Variants in ITSN1 observed in about 807,000 individuals in gnomAD.
The protein encoded by ITSN1 is intersectin 1.
ITSN1 carries 58 observed loss-of-function variants against 239.8 expected under a neutral mutation model. The observed-to-expected ratio is 0.24, with a 90% CI of 0.20 to 0.30. The LOEUF is 0.30. Among genes scored for constraint, ITSN1 ranks in the 10% least tolerant of loss-of-function variants. ITSN1 has a pLI of 1.00. For synonymous variants in ITSN1, 780 were observed against 770.8 expected (o/e 1.01, Z -0.20); for missense variants, 1,558 against 2,103.3 (o/e 0.74, Z 5.07).
At chr21:33,737,949 G>A (rs544206504) in intron 5 of ITSN1, among the ~76,000 whole-genome samples, 2 of 152,238 alleles carry the variant, frequency 1.3e-5, no homozygotes, top group African/African-American at 2.4e-5. Flanking sequence ...TTGGGAGGCC[G>A]AGGTGGGCAG....
chr21:33,749,280 G>C (rs983695000), intron 5 of ITSN1, among the ~76,000 whole-genome samples: 3 of 152,248 alleles, frequency 2.0e-5, no homozygotes, highest in African/African-American at 7.2e-5. Context: ...ATAAGCCACT[G>C]TGCCCAGCTG....
intron 1 of ITSN1, among the ~76,000 whole-genome samples, chr21:33,706,743 T>G (rs1243865022): frequency 2.0e-5 from 3 of 152,132 alleles, no homozygotes; most frequent in Non-Finnish European, 4.4e-5. Context: ...TCAGGTTTTA[T>G]TTGTTTATTT....
chr21:33,705,853 A>G (rs2092231354), intron 1 of ITSN1, among the ~76,000 whole-genome samples: 1 of 152,144 alleles, frequency 6.6e-6, no homozygotes, highest in African/African-American at 2.4e-5. Flanking sequence ...TATCATTCTA[A>G]ATTGATGTTT....
chr21:33,774,160 A>G lies in ITSN1; in HGVS notation c.1306-569A>G, dbSNP rs116375299. Among the ~76,000 whole-genome samples the G allele has an allele frequency of 4.9e-3, 748 of 152,334 alleles. 4 individuals carry two copies. Among genetic ancestry groups the G allele is most frequent in the African/African-American group, 0.017 (705 of 41,572 alleles). ...TTGGATGACCCATGAGTCAGAGGCA[A>G]TTCCCATAGACTGTCAGATGCTCTG... On this transcript the variant is annotated intron_variant, in intron 12 of 39. Transcript: ENST00000381318.
chr21:33,810,713 T>C (rs766037716), intron 20 of ITSN1, among the ~76,000 whole-genome samples: 1 of 152,208 alleles, frequency 6.6e-6, no homozygotes, highest in African/African-American at 2.4e-5. Context: ...CCAGGCACTT[T>C]GTCTCAACTG....
chr21:33,661,816 G>A lies in ITSN1; in HGVS notation c.-33+19103G>A, dbSNP rs533554367. ...TGGCTCTCATTTCTCTCTTGTGACC[G>A]CCATGTGAGACATACCTTTTGCCTT... On this transcript the variant is annotated intron_variant, in intron 1 of 39. Transcript: ENST00000381318. Among the ~76,000 whole-genome samples the A allele has an allele frequency of 7.2e-5, 11 of 152,024 alleles. No homozygotes were observed. The South Asian group carries it at 1.7e-3, about 23-fold the overall frequency.
rs542782139 is a variant in ITSN1, at chr21:33,856,774, A to G, written c.3700A>G (p.Thr1234Ala). 3.2e-4 allele frequency: 513 copies of G among 1,614,160 alleles called. 6 individuals carry two copies. The South Asian group carries it at 5.3e-3, about 17-fold the overall frequency. ...DLHLLDMLTP[T>A]ERKRQGYIHE... ...ACATCTCTTGGATATGTTGACCCCA[A>G]CTGAAAGAAAGCGACAAGGATACAT... The change falls in exon 30 of 40, where the codon ACT (threonine) becomes GCT (alanine). Residue 1234 changes from threonine (T) to alanine (A), a missense_variant. This residue lies in a region of ITSN1 where 576 missense variants were observed against 893.3 expected (regional missense o/e 0.64). Coordinates refer to ENST00000381318, the MANE Select transcript of ITSN1 (RefSeq NM_003024.3).
intron 16 of ITSN1, among the ~76,000 whole-genome samples, chr21:33,792,051 G>A (rs2071176726): frequency 1.3e-5 from 2 of 152,044 alleles, no homozygotes; most frequent in East Asian, 3.9e-4. Flanking sequence ...TACTTTATTT[G>A]TTTGTTAGAC....
At chr21:33,719,866 T>G (rs150632101) in intron 2 of ITSN1, among the ~76,000 whole-genome samples, 1 of 152,344 alleles carries the variant, frequency 6.6e-6, no homozygotes, top group African/African-American at 2.4e-5. Context: ...TACACCCAAG[T>G]TACTTTTTAA....
chr21:33,862,005 A>AT (rs1980667013), intron 31 of ITSN1, among the ~76,000 whole-genome samples: 1 of 147,326 alleles, frequency 6.8e-6, no homozygotes, highest in Non-Finnish European at 1.5e-5. Flanking sequence ...AAAAAAAAAA[A>AT]AAAAAAAAAG....
intron 29 of ITSN1, among the ~76,000 whole-genome samples, chr21:33,845,055 G>A (rs1055170365): frequency 1.1e-4 from 16 of 151,918 alleles, no homozygotes; most frequent in African/African-American, 3.9e-4. Flanking sequence ...ACATGGAACC[G>A]GCCTGGTCAT....
At chr21:33,780,052 A>G (rs2147873807) in intron 14 of ITSN1, among the ~76,000 whole-genome samples, 1 of 152,146 alleles carries the variant, frequency 6.6e-6, no homozygotes, top group East Asian at 1.9e-4. Context: ...GCCTGGTCTC[A>G]AACTCCTGAC....
Position 33,818,436 on chromosome 21 carries a change from T to C in ITSN1, c.2897T>C (p.Val966Ala). The C allele has an allele frequency of 6.2e-7, 1 of 1,614,222 alleles. No homozygotes were observed. Among genetic ancestry groups the C allele is most frequent in the Non-Finnish European group, 8.5e-7 (1 of 1,180,016 alleles). The stretch of plus-strand genomic sequence containing the variant: ...AAGGGTTGGTTCCCCAAGTCTTACG[T>C]GAAACTCATTTCAGGGCCCATAAGG... ...GQKGWFPKSY[V>A]KLISGPIRKS... The change falls in exon 23 of 40, where the codon GTG becomes GCG. Residue 966 changes from valine (V) to alanine (A), a missense_variant. This residue lies in a region of ITSN1 where 982 missense variants were observed against 1,209.9 expected (regional missense o/e 0.81). Coordinates refer to ENST00000381318, the MANE Select transcript of ITSN1 (RefSeq NM_003024.3).
intron 1 of ITSN1, among the ~76,000 whole-genome samples, chr21:33,707,180 C>T (rs530049498): frequency 1.8e-4 from 27 of 152,240 alleles, no homozygotes; most frequent in African/African-American, 6.0e-4. Flanking sequence ...AATGCTGTAC[C>T]CTTGACTCAT....
intron 10 of ITSN1, 49 bp from the exon 11 acceptor site, chr21:33,767,664 C>A: frequency 9.3e-7 from 1 of 1,076,268 alleles, no homozygotes; most frequent in Non-Finnish European, 1.4e-6. Flanking sequence ...TCCAACTCCA[C>A]CCAGACAGCT....
At chr21:33,818,566 G>C (rs989748475) in intron 23 of ITSN1, 94 bp downstream of exon 23, 3 of 1,128,954 alleles carry the variant, frequency 2.7e-6, no homozygotes, top group African/African-American at 3.1e-5. Context: ...CAGGAGTTGC[G>C]GGATTAGTTT....
chr21:33,839,826 A>G (rs1191351431), intron 29 of ITSN1, among the ~76,000 whole-genome samples: 1 of 152,148 alleles, frequency 6.6e-6, no homozygotes, highest in East Asian at 1.9e-4. Flanking sequence ...GGTTGTATCC[A>G]TTGGACCCCA....
chr21:33,746,563 G>A (rs532050721), intron 5 of ITSN1, among the ~76,000 whole-genome samples: 47 of 152,264 alleles, frequency 3.1e-4, no homozygotes, highest in Non-Finnish European at 6.2e-4. Flanking sequence ...ATAACTGGCC[G>A]GCCACAGTGG....
chr21:33,701,868 G>T (rs754391038), intron 1 of ITSN1, among the ~76,000 whole-genome samples: 1 of 151,520 alleles, frequency 6.6e-6, no homozygotes, highest in South Asian at 2.1e-4. Flanking sequence ...AGGAGTTCCA[G>T]ACCAGCCTGG....
Sources: allele counts gnomAD v4.1 joint callset (sites outside exome capture counted in the v4.1 genomes callset), GRCh38; gene constraint gnomAD v4.1.1; regional missense constraint gnomAD v4.1.1; transcripts MANE v1.5; gene names NCBI Gene and HGNC (gene_info 2026-07-23, HGNC 2026-07-21).